Variants in PHKB observed in about 807,000 individuals in gnomAD.
PHKB encodes the protein phosphorylase b kinase regulatory subunit beta.
A neutral mutation model predicts 152.1 loss-of-function variants in PHKB; 122 were observed. The observed-to-expected ratio is 0.80, with a 90% CI of 0.69 to 0.93. The LOEUF is 0.93. Among genes scored for constraint, PHKB ranks in the 40% least tolerant of loss-of-function variants. The probability of loss-of-function intolerance (pLI) is 0.00; values close to 1 mark genes in which losing one functional copy is unlikely to be tolerated. For synonymous variants in PHKB, 436 were observed against 464.9 expected (o/e 0.94, Z 0.80); for missense variants, 1,304 against 1,328.4 (o/e 0.98, Z 0.29).
intron 14 of PHKB, among the ~76,000 whole-genome samples, chr16:47,624,335 A>C (rs914580530): frequency 1.1e-4 from 17 of 152,360 alleles, no homozygotes; most frequent in Admixed American, 9.1e-4. Flanking sequence ...ATTCAGCCCA[A>C]GAAGATGAAT....
chr16:47,536,115 G>T (rs377344961), intron 6 of PHKB, among the ~76,000 whole-genome samples: 1 of 152,088 alleles, frequency 6.6e-6, no homozygotes, highest in African/African-American at 2.4e-5. Context: ...GCAGTGGCGC[G>T]ATCTCGGCTC....
chr16:47,643,743 T>G (rs1016452491), intron 16 of PHKB, among the ~76,000 whole-genome samples: 15 of 152,190 alleles, frequency 9.9e-5, no homozygotes, highest in African/African-American at 3.6e-4. Flanking sequence ...GTTGCTCCCT[T>G]TCTTCTGAGA....
rs181930866 is a variant in PHKB, at chr16:47,606,593, A to G, written c.1364-4233A>G. On this transcript the variant is annotated intron_variant, in intron 13 of 30. Transcript: ENST00000323584. ...AATTAATTTGCACATGTGTGAGCATAACTAAGATAACTTTACAGATGCGGA... is the reference window on the plus strand; with the variant it reads ...AATTAATTTGCACATGTGTGAGCATGACTAAGATAACTTTACAGATGCGGA... Among the ~76,000 whole-genome samples, 249 of 152,348 alleles carry G rather than the reference A, an allele frequency of 1.6e-3. 3 individuals are homozygous for G. The highest frequency in any genetic ancestry group is 2.7e-3 in the Non-Finnish European group (186 of 68,020).
chr16:47,557,952 C>T (rs1033282215), intron 7 of PHKB, among the ~76,000 whole-genome samples: 2 of 151,966 alleles, frequency 1.3e-5, no homozygotes, highest in Admixed American at 6.6e-5. Flanking sequence ...TATTGCGGTA[C>T]TATTCACAAT....
At position 47,525,829 on chromosome 16, in the gene PHKB, G is replaced by C. The variant is rs564179382; in HGVS notation, c.594+10228G>C. 2.6e-5 allele frequency among the ~76,000 whole-genome samples: 4 copies of C among 152,286 alleles called. No homozygotes were observed. In the East Asian group the frequency reaches 5.8e-4, roughly 22 times the overall value. On this transcript the variant is annotated intron_variant, in intron 6 of 30. Transcript: ENST00000323584. ...ACACAGGGAGTTGTACCAGAGGACA[G>C]GTGAACAGCAAGCTTCAACAGTAGG...
Position 47,461,378 on chromosome 16 carries a change from G to T in PHKB, c.28G>T (p.Glu10Ter). The change falls in exon 1 of 31, where the codon GAA becomes TAA. Residue 10 changes from glutamate (E) to a stop codon, truncating the protein, a stop_gained. Transcript: ENST00000323584. LOFTEE classifies it high-confidence loss of function. ...GGCGGGGGCGGCGGGACTCACGGCAGAAGTGAGCTGGAAGGTCTTGGAGCG... is the reference window on the plus strand; with the variant it reads ...GGCGGGGGCGGCGGGACTCACGGCATAAGTGAGCTGGAAGGTCTTGGAGCG... Reference protein sequence around the residue: MAGAAGLTAEVSWKVLERRA... With the variant: MAGAAGLTA 6.2e-7 allele frequency: 1 copy of T among 1,612,766 alleles called. No individual in the cohort carries two copies. Among genetic ancestry groups the T allele is most frequent in the Non-Finnish European group, 8.5e-7 (1 of 1,179,746 alleles).
At chr16:47,462,834 C>T (rs1969597011) in intron 1 of PHKB, 1 of 148,956 alleles carries the variant, frequency 6.7e-6, no homozygotes, top group Admixed American at 6.7e-5. Flanking sequence ...ACAAAAAGTT[C>T]AGCTTTATAT....
chr16:47,615,145 G>A (rs1055647507), intron 14 of PHKB, among the ~76,000 whole-genome samples: 1 of 152,064 alleles, frequency 6.6e-6, no homozygotes, highest in Non-Finnish European at 1.5e-5. Context: ...CTTGTCCTAA[G>A]TCTCCTTATG....
chr16:47,540,403 A>T (rs1206507127), intron 6 of PHKB, among the ~76,000 whole-genome samples: 1 of 152,054 alleles, frequency 6.6e-6, no homozygotes, highest in Non-Finnish European at 1.5e-5. Context: ...GTTTCCTCAG[A>T]AGCATGTGAT....
At chr16:47,626,810 G>T (rs556529259) in intron 14 of PHKB, among the ~76,000 whole-genome samples, 22 of 152,120 alleles carry the variant, frequency 1.4e-4, no homozygotes, top group Non-Finnish European at 2.9e-4. Context: ...TAAAATAGTT[G>T]TGCTGCTCTG....
In PHKB at chr16:47,660,436, A is replaced by G. The variant is rs536773325; in HGVS notation, c.1972-70A>G. 19 of 1,176,916 alleles carry G rather than the reference A, an allele frequency of 1.6e-5. No homozygotes were observed. In the African/African-American group the frequency reaches 2.1e-4, roughly 13 times the overall value. The allele number at this position is 1,176,916 out of a possible 1,614,324, so 72.9% of individuals were successfully genotyped here. ...AAGTATTACTTAATTACAGAAAGGT[A>G]TGCACACAGGCCATTAGAGTATGGC... On this transcript the variant is annotated intron_variant, in intron 20 of 30. Transcript: ENST00000323584.
At chr16:47,581,985 T>C (rs1287928997) in intron 8 of PHKB, among the ~76,000 whole-genome samples, 1 of 152,182 alleles carries the variant, frequency 6.6e-6, no homozygotes. Flanking sequence ...CGGCCGACTC[T>C]TGTTGCTATT....
At chr16:47,674,599 G>A (rs569973734) in intron 26 of PHKB, among the ~76,000 whole-genome samples, 6 of 152,280 alleles carry the variant, frequency 3.9e-5, no homozygotes, top group African/African-American at 1.4e-4. Flanking sequence ...TGGTTTAGGA[G>A]GCAAAGCATA....
In PHKB at chr16:47,680,449, C is replaced by T. The variant is rs576233921; in HGVS notation, c.2631-8592C>T. 3.3e-4 allele frequency among the ~76,000 whole-genome samples: 50 copies of T among 152,248 alleles called. No individual in the cohort carries two copies. In the Middle Eastern group the frequency reaches 0.02, roughly 62 times the overall value. On this transcript the variant is annotated intron_variant, in intron 26 of 30. Coordinates refer to ENST00000323584, the MANE Select transcript of PHKB (RefSeq NM_000293.3). ...TTAATTATTGCCACAATTTCAGAGCCTGTTATTAGTCTATTCAGAGATTCA... is the reference window on the plus strand; with the variant it reads ...TTAATTATTGCCACAATTTCAGAGCTTGTTATTAGTCTATTCAGAGATTCA...
intron 11 of PHKB, 142 bp downstream of exon 11, chr16:47,593,699 G>T: frequency 1.5e-6 from 1 of 671,554 alleles, no homozygotes; most frequent in Non-Finnish European, 2.7e-6. Context: ...GATGTTAATT[G>T]CCCTGCATTT....
intron 7 of PHKB, among the ~76,000 whole-genome samples, chr16:47,567,696 A>C (rs1971593174): frequency 6.6e-6 from 1 of 152,118 alleles, no homozygotes. Context: ...GGCTTTTGTA[A>C]TTTTAAGGTA....
chr16:47,660,487 T>G lies in PHKB; in HGVS notation c.1972-19T>G. 6.2e-7 allele frequency: 1 copy of G among 1,606,106 alleles called. No homozygotes were observed. The highest frequency in any genetic ancestry group is 8.5e-7 in the Non-Finnish European group (1 of 1,172,830). On this transcript the variant is annotated intron_variant, in intron 20 of 30. Coordinates refer to ENST00000323584, the MANE Select transcript of PHKB (RefSeq NM_000293.3). Reference sequence around the variant, plus strand: ...TTGATGTATCTAAGAGTTTCTAATCTTTTTCGATCACGTTTCAGACACTAA... The same window carrying G: ...TTGATGTATCTAAGAGTTTCTAATCGTTTTCGATCACGTTTCAGACACTAA...
chr16:47,463,857 A>C, intron 1 of PHKB: 1 of 1,415,842 alleles, frequency 7.1e-7, no homozygotes, highest in South Asian at 1.2e-5. Context: ...TTTAACACTG[A>C]TTGCTTCTAA....
intron 1 of PHKB, among the ~76,000 whole-genome samples, chr16:47,475,000 A>C (rs559769323): frequency 8.2e-4 from 125 of 152,338 alleles, no homozygotes; most frequent in Non-Finnish European, 1.3e-3. Context: ...CTGGTATTAC[A>C]GGTGTGTGCC....
Sources: gnomAD v4.1 joint callset for allele counts (sites outside exome capture counted in the v4.1 genomes callset) on GRCh38, gnomAD v4.1.1 for gene constraint, MANE v1.5 for transcripts, NCBI Gene and HGNC (gene_info 2026-07-23, HGNC 2026-07-21) for gene names.